The following VEPH1 variants were observed in gnomAD, a reference collection of about 807,000 sequenced individuals.
The protein encoded by VEPH1 is ventricular zone expressed PH domain containing 1, also known as ventricular zone-expressed PH domain-containing protein homolog 1.
A neutral mutation model predicts 85.2 loss-of-function variants in VEPH1; 80 were observed. The observed-to-expected ratio is 0.94, with a 90% confidence interval of 0.78 to 1.13. The LOEUF (loss-of-function observed/expected upper bound fraction) is 1.13. Among genes scored for constraint, VEPH1 ranks in the 50% most tolerant of loss-of-function variants. The pLI, the probability that VEPH1 is intolerant of heterozygous loss-of-function variation, is 0.00. For synonymous variants in VEPH1, 297 were observed against 348.0 expected, an observed-to-expected ratio of 0.85 and a Z score of 1.63; for missense variants, 955 against 980.5, an observed-to-expected ratio of 0.97 and a Z score of 0.35.
intron 7 of VEPH1, among the ~76,000 whole-genome samples, chr3:157,375,379 A>G (rs1727973714): frequency 1.3e-5 from 2 of 152,188 alleles, no homozygotes; most frequent in Non-Finnish European, 2.9e-5. Context: ...CTGTTATTTC[A>G]GTAGAGTTAG....
At chr3:157,292,437 A>T (rs1252128860) in intron 11 of VEPH1, among the ~76,000 whole-genome samples, 1 of 152,136 alleles carries the variant, frequency 6.6e-6, no homozygotes, top group African/African-American at 2.4e-5. Context: ...CAAACCTGTA[A>T]TCCCAGCACT....
chr3:157,317,953 T>G (rs1344679065), intron 9 of VEPH1, among the ~76,000 whole-genome samples: 2 of 152,230 alleles, frequency 1.3e-5, no homozygotes, highest in African/African-American at 4.8e-5. Context: ...AATTTTACCC[T>G]ACAAGATGGG....
chr3:157,272,387 C>CT (rs1483823034), intron 12 of VEPH1, among the ~76,000 whole-genome samples: 69 of 118,258 alleles, frequency 5.8e-4, no homozygotes, highest in Non-Finnish European at 8.1e-4. Flanking sequence ...TTCTTTCTTT[C>CT]TTTCTTTCTT....
At chr3:157,340,181 C>A (rs1041027060) in intron 9 of VEPH1, among the ~76,000 whole-genome samples, 4 of 152,292 alleles carry the variant, frequency 2.6e-5, no homozygotes, top group South Asian at 2.1e-4. Context: ...GGATGCAGGA[C>A]AGTGGGTGCA....
intron 7 of VEPH1, among the ~76,000 whole-genome samples, chr3:157,368,567 C>CTTG (rs1226736071): frequency 6.6e-6 from 1 of 152,116 alleles, no homozygotes; most frequent in East Asian, 1.9e-4. Context: ...TCTTGGCTCA[C>CTTG]TGCAAGCTCT....
intron 12 of VEPH1, among the ~76,000 whole-genome samples, chr3:157,267,102 C>CTTTTTTTTTTTTTTTTTTTCTT (rs10537483): frequency 8.0e-6 from 1 of 124,676 alleles, no homozygotes; most frequent in Non-Finnish European, 1.6e-5. Context: ...TCTTTTTTTT[C>CTTTTTTTTTTTTTTTTTTTCTT]TTTTTTTTTT....
chr3:157,491,662 A>G (rs1290373443), intron 2 of VEPH1, among the ~76,000 whole-genome samples: 1 of 152,268 alleles, frequency 6.6e-6, no homozygotes, highest in Non-Finnish European at 1.5e-5. Flanking sequence ...TTTGGATTCC[A>G]CAAAGCTGAA....
intron 1 of VEPH1, 105 bp downstream of exon 1, chr3:157,503,172 C>G (rs1234693891): frequency 6.6e-6 from 1 of 152,228 alleles, no homozygotes; most frequent in Non-Finnish European, 1.5e-5. Context: ...TTTCTCAGCT[C>G]CATTCTCCTA....
intron 6 of VEPH1, among the ~76,000 whole-genome samples, chr3:157,399,097 T>TA (rs1376970403): frequency 1.3e-5 from 2 of 152,064 alleles, no homozygotes; most frequent in Non-Finnish European, 2.9e-5. Flanking sequence ...TCAAAAATCT[T>TA]AAACATGAAT....
At chr3:157,445,987 A>T (rs1734520728) in intron 4 of VEPH1, among the ~76,000 whole-genome samples, 1 of 152,230 alleles carries the variant, frequency 6.6e-6, no homozygotes, top group Admixed American at 6.5e-5. Context: ...AAAAGGAGGA[A>T]ATAAGAAATG....
At chr3:157,310,925 G>A (rs1300459911) in intron 11 of VEPH1, among the ~76,000 whole-genome samples, 2 of 152,108 alleles carry the variant, frequency 1.3e-5, no homozygotes, top group African/African-American at 2.4e-5. Flanking sequence ...GGGAAGTACC[G>A]GATTCATTTG....
intron 9 of VEPH1, among the ~76,000 whole-genome samples, chr3:157,340,467 G>C (rs1217127687): frequency 6.6e-6 from 1 of 152,200 alleles, no homozygotes; most frequent in Admixed American, 6.5e-5. Flanking sequence ...CAGCAGTGAG[G>C]CTGGGGGAAT....
chr3:157,394,613 C>A (rs779316173), intron 6 of VEPH1, among the ~76,000 whole-genome samples: 179 of 152,216 alleles, frequency 1.2e-3, no homozygotes, highest in Non-Finnish European at 2.1e-3. Flanking sequence ...CCTCAGGGAG[C>A]TTTACTCATG....
intron 6 of VEPH1, among the ~76,000 whole-genome samples, chr3:157,389,379 G>A (rs750092947): frequency 2.6e-5 from 4 of 152,082 alleles, no homozygotes; most frequent in Non-Finnish European, 4.4e-5. Flanking sequence ...TGGCAATAAA[G>A]AGGCCATGAA....
At chr3:157,475,598 G>T (rs191933308) in intron 2 of VEPH1, among the ~76,000 whole-genome samples, 13 of 152,294 alleles carry the variant, frequency 8.5e-5, no homozygotes, top group Admixed American at 4.6e-4. Context: ...GGACCCCTGT[G>T]TCATCAACCA....
At chr3:157,332,258 T>A (rs932385717) in intron 9 of VEPH1, among the ~76,000 whole-genome samples, 4 of 152,204 alleles carry the variant, frequency 2.6e-5, no homozygotes, top group Admixed American at 6.5e-5. Flanking sequence ...AAATTTACCA[T>A]TTTGACCATT....
intron 4 of VEPH1, among the ~76,000 whole-genome samples, chr3:157,441,124 C>T (rs1178255126): frequency 6.6e-6 from 1 of 152,122 alleles, no homozygotes; most frequent in East Asian, 1.9e-4. Context: ...TTGCATGGCT[C>T]ATTAGTAGTA....
intron 6 of VEPH1, among the ~76,000 whole-genome samples, chr3:157,400,583 C>A (rs910954826): frequency 7.2e-5 from 11 of 152,046 alleles, no homozygotes; most frequent in Non-Finnish European, 1.6e-4. Context: ...GGGCAGAAAA[C>A]TTGACATGGT....
intron 1 of VEPH1, chr3:157,499,741 A>G (rs1234547481): frequency 1.3e-5 from 2 of 152,282 alleles, no homozygotes; most frequent in Non-Finnish European, 2.9e-5. Context: ...GTGAAAATCT[A>G]TACTTTCCCA....
Sources: gnomAD v4.1 joint callset for allele counts (sites outside exome capture counted in the v4.1 genomes callset) on GRCh38, gnomAD v4.1.1 for gene constraint, MANE v1.5 for transcripts, NCBI Gene and HGNC (gene_info 2026-07-23, HGNC 2026-07-21) for gene names.